GLI2: variants seen among roughly 807,000 people sequenced by gnomAD.
The protein encoded by GLI2 is GLI family zinc finger 2.
A neutral mutation model predicts 78.9 loss-of-function variants in GLI2; 22 were observed. The ratio of observed to expected loss-of-function variants is 0.28; its 90% confidence interval spans 0.20 to 0.40. The LOEUF (loss-of-function observed/expected upper bound fraction) is 0.40, where lower values mean the gene tolerates loss of function less well. Ranked by LOEUF, GLI2 falls within the 10% of genes least tolerant of loss-of-function variation. GLI2 has a pLI of 1.00. For synonymous variants in GLI2, 974 were observed against 963.7 expected, an observed-to-expected ratio of 1.01 and a Z score of -0.20; for missense variants, 2,097 against 2,213.2, an observed-to-expected ratio of 0.95 and a Z score of 1.05.
chr2:120,830,287 C>T (rs1010996076), intron 2 of GLI2, among the ~76,000 whole-genome samples: 1 of 152,236 alleles, frequency 6.6e-6, no homozygotes, highest in Non-Finnish European at 1.5e-5. Context: ...TGGCCTTGGC[C>T]TAGCTCCCTC....
In GLI2 at chr2:120,986,433, C is replaced by G. The variant is rs374564316; in HGVS notation, c.2061C>G (p.Ala687=). 1 of 1,613,866 alleles carries G rather than the reference C, an allele frequency of 6.2e-7. No individual in the cohort carries two copies. The highest frequency in any genetic ancestry group is 8.5e-7 in the Non-Finnish European group (1 of 1,180,002). ...CACTGGATGACACACCCCCAGGGGC[C>G]GACACCTCAGCCCTGGCTGCCCCCT... The part of the protein sequence containing the change: ...LTALDDTPPG[A]DTSALAAPSA... Residue 687 remains alanine (A), a synonymous_variant, in exon 13 of 14, where the codon GCC becomes GCG. Transcript: ENST00000361492.
intron 2 of GLI2, among the ~76,000 whole-genome samples, chr2:120,905,161 G>A (rs1272494514): frequency 1.3e-5 from 2 of 152,126 alleles, no homozygotes; most frequent in East Asian, 1.9e-4. Context: ...AGGCTCCCTT[G>A]GGGCCTGCAG....
rs186665991 is a variant in GLI2 at position 120,772,123 on chromosome 2, A to G, written c.-30-25168A>G. ...TGCTAGGGCAGTTTGATTGATAGAG[A>G]TTGCCTGGTGCCCTGAGTGAGAAGG... On this transcript the variant is annotated intron_variant, in intron 1 of 13. Coordinates refer to ENST00000361492, the MANE Select transcript of GLI2 (RefSeq NM_001374353.1). 6.3e-4 allele frequency among the ~76,000 whole-genome samples: 96 copies of G among 152,150 alleles called. 1 individual carries two copies. The highest frequency in any genetic ancestry group is 1.1e-3 in the Non-Finnish European group (77 of 67,990).
At chr2:120,817,728 C>T (rs1685567979) in intron 2 of GLI2, among the ~76,000 whole-genome samples, 1 of 152,184 alleles carries the variant, frequency 6.6e-6, no homozygotes, top group Non-Finnish European at 1.5e-5. Context: ...CACTGGCCTG[C>T]CTGGTGCTGG....
intron 4 of GLI2, among the ~76,000 whole-genome samples, 192 bp from the exon 5 acceptor site, chr2:120,955,053 G>A (rs1337322884): frequency 1.3e-5 from 2 of 151,682 alleles, no homozygotes; most frequent in African/African-American, 2.4e-5. Flanking sequence ...ACCGCAGCTC[G>A]TGCTGGCCAA....
At chr2:120,878,793 C>T (rs373872386) in intron 2 of GLI2, among the ~76,000 whole-genome samples, 1 of 151,910 alleles carries the variant, frequency 6.6e-6, no homozygotes, top group Non-Finnish European at 1.5e-5. Flanking sequence ...ATTAGCCGGG[C>T]GTGGTGGTGC....
chr2:120,970,811 C>T (rs1337166064), intron 7 of GLI2, among the ~76,000 whole-genome samples: 2 of 152,192 alleles, frequency 1.3e-5, no homozygotes, highest in Non-Finnish European at 2.9e-5. Context: ...TTGATTCTGC[C>T]GTCTCCTGTC....
rs78192963 is a variant in GLI2 at position 120,891,442 on chromosome 2, G to T, written c.149-35919G>T. 1.5e-3 allele frequency among the ~76,000 whole-genome samples: 234 copies of T among 152,304 alleles called. 1 individual carries two copies. The highest frequency in any genetic ancestry group is 5.0e-3 in the African/African-American group (206 of 41,552). On this transcript the variant is annotated intron_variant, in intron 2 of 13. Coordinates refer to ENST00000361492, the MANE Select transcript of GLI2 (RefSeq NM_001374353.1). ...GGCAAAAAGGGACCCTACCTTATAG[G>T]CATCGTAATGTGGATCAAACCAGTT...
intron 1 of GLI2, among the ~76,000 whole-genome samples, chr2:120,790,232 G>A (rs1182782105): frequency 6.6e-6 from 1 of 152,212 alleles, no homozygotes; most frequent in African/African-American, 2.4e-5. Context: ...AAACAGGGGG[G>A]TCTGTTGGGA....
At chr2:120,886,290 G>A (rs945434550) in intron 2 of GLI2, among the ~76,000 whole-genome samples, 6 of 150,202 alleles carry the variant, frequency 4.0e-5, no homozygotes, top group African/African-American at 9.8e-5. Context: ...TTTTGAGTCA[G>A]GGTCTTGCTG....
chr2:120,915,404 C>G (rs1194264097), intron 2 of GLI2, among the ~76,000 whole-genome samples: 2 of 152,160 alleles, frequency 1.3e-5, no homozygotes, highest in Admixed American at 6.5e-5. Context: ...GAGACAGAAG[C>G]ACTTTTTAGT....
At chr2:120,870,558 G>C (rs541683011) in intron 2 of GLI2, among the ~76,000 whole-genome samples, 1 of 152,280 alleles carries the variant, frequency 6.6e-6, no homozygotes, top group East Asian at 1.9e-4. Context: ...AGGTGTGACT[G>C]CCAGTGACAC....
intron 2 of GLI2, among the ~76,000 whole-genome samples, chr2:120,847,522 C>T (rs1687177642): frequency 1.3e-5 from 2 of 152,116 alleles, no homozygotes; most frequent in East Asian, 3.9e-4. Context: ...AAGAGAACTC[C>T]TGCGAGGCTC....
chr2:120,906,837 G>A (rs753586328), intron 2 of GLI2, among the ~76,000 whole-genome samples: 2 of 152,130 alleles, frequency 1.3e-5, no homozygotes, highest in Non-Finnish European at 2.9e-5. Context: ...ATCCCCGCGT[G>A]GCAGAGTCCT....
At chr2:120,860,999 G>T (rs1205375431) in intron 2 of GLI2, among the ~76,000 whole-genome samples, 1 of 152,208 alleles carries the variant, frequency 6.6e-6, no homozygotes, top group Non-Finnish European at 1.5e-5. Context: ...AAATGATGAT[G>T]AATGAGGCAG....
At chr2:120,853,061 C>T (rs1367821301) in intron 2 of GLI2, among the ~76,000 whole-genome samples, 3 of 152,190 alleles carry the variant, frequency 2.0e-5, no homozygotes, top group Non-Finnish European at 2.9e-5. Flanking sequence ...CATGATCGCT[C>T]AGGAGACAGT....
chr2:120,931,124 C>G (rs940175479), intron 3 of GLI2, among the ~76,000 whole-genome samples: 2 of 152,208 alleles, frequency 1.3e-5, no homozygotes, highest in African/African-American at 4.8e-5. Flanking sequence ...TAAACTTATC[C>G]TCATATCATT....
At chr2:120,853,895 G>C (rs1445718468) in intron 2 of GLI2, among the ~76,000 whole-genome samples, 2 of 152,080 alleles carry the variant, frequency 1.3e-5, no homozygotes, top group Admixed American at 6.5e-5. Context: ...TGGTAGTGGG[G>C]ATGTGGGTCC....
Position 120,951,348 on chromosome 2 carries a change from G to A in GLI2, c.360G>A (p.Pro120=), listed in dbSNP as rs781740772. 11 of 1,536,322 alleles carry A rather than the reference G, an allele frequency of 7.2e-6. No individual in the cohort carries two copies. Among genetic ancestry groups the A allele is most frequent in the South Asian group, 2.2e-5 (2 of 89,502 alleles). The stretch of plus-strand genomic sequence containing the variant: ...AGTCCCCCTTCAACGCCCCCCACCC[G>A]TACGTGAACCCCCACATGGAGCACT... ...PGESPFNAPH[P]YVNPHMEHYL... The change falls in exon 4 of 14, where the codon CCG becomes CCA. Residue 120 remains proline (P), a synonymous_variant. Transcript: ENST00000361492.
Sources: gnomAD v4.1 joint callset for allele counts (sites outside exome capture counted in the v4.1 genomes callset) on GRCh38, gnomAD v4.1.1 for gene constraint, MANE v1.5 for transcripts, NCBI Gene and HGNC (gene_info 2026-07-23, HGNC 2026-07-21) for gene names.